KCNT2: variants seen among roughly 807,000 people sequenced by gnomAD.
KCNT2 encodes the protein potassium channel subfamily T member 2.
A neutral mutation model predicts 153.8 loss-of-function variants in KCNT2; 67 were observed. That is an observed-to-expected ratio of 0.44 (90% CI 0.36 to 0.53). KCNT2 has a LOEUF of 0.53. Ranked by LOEUF, KCNT2 falls within the 20% of genes least tolerant of loss-of-function variation. KCNT2 has a pLI of 0.00. For synonymous variants in KCNT2, 500 were observed against 458.8 expected, an observed-to-expected ratio of 1.09 and a Z score of -1.15; for missense variants, 975 against 1,354.8, an observed-to-expected ratio of 0.72 and a Z score of 4.40.
At chr1:196,534,916 A>G (rs1382536690) in intron 1 of KCNT2, among the ~76,000 whole-genome samples, 4 of 152,224 alleles carry the variant, frequency 2.6e-5, no homozygotes, top group Non-Finnish European at 4.4e-5. Context: ...TTTTCCTAGT[A>G]GAGACTAGCC....
At chr1:196,380,824 A>G in intron 13 of KCNT2, among the ~76,000 whole-genome samples, 1 of 152,206 alleles carries the variant, frequency 6.6e-6, no homozygotes, top group East Asian at 1.9e-4. Flanking sequence ...ATATGAGAAT[A>G]GATAATGTCT....
intron 17 of KCNT2, 151 bp from the exon 18 acceptor site, chr1:196,331,412 A>G (rs143338333): frequency 2.6e-4 from 156 of 592,266 alleles, no homozygotes; most frequent in African/African-American, 2.6e-3. Context: ...GAAGAGAGGT[A>G]GGCAAACTGT....
chr1:196,362,481 G>A (rs1402701938), intron 14 of KCNT2, among the ~76,000 whole-genome samples: 1 of 152,064 alleles, frequency 6.6e-6, no homozygotes, highest in Non-Finnish European at 1.5e-5. Context: ...AAACATTGAA[G>A]GCTTCTGTCT....
In KCNT2 at chr1:196,377,745, C is replaced by T. The variant is rs533832562; in HGVS notation, c.1295-4497G>A. On this transcript the variant is annotated intron_variant, in intron 13 of 27. Transcript: ENST00000294725. ...TAAAAAGTATAAAAATGAACACTTG[C>T]AGAATTGAAAAAGTGAACTGTATCC... 2.0e-5 allele frequency among the ~76,000 whole-genome samples: 3 copies of T among 152,114 alleles called. No individual in the cohort carries two copies. In the South Asian group the frequency reaches 6.2e-4, roughly 32 times the overall value.
intron 22 of KCNT2, among the ~76,000 whole-genome samples, chr1:196,290,612 C>T (rs935732504): frequency 1.3e-5 from 2 of 151,442 alleles, no homozygotes; most frequent in Non-Finnish European, 2.9e-5. Flanking sequence ...CATCCTGTTC[C>T]TGAGCTTCAT....
chr1:196,302,389 A>C (rs973217469), intron 22 of KCNT2, among the ~76,000 whole-genome samples: 1 of 152,286 alleles, frequency 6.6e-6, no homozygotes, highest in East Asian at 1.9e-4. Context: ...TAGGGCTGCC[A>C]TAACAAAGTA....
intron 5 of KCNT2, among the ~76,000 whole-genome samples, chr1:196,471,459 A>T (rs188605468): frequency 2.1e-4 from 32 of 152,186 alleles, no homozygotes; most frequent in Admixed American, 1.7e-3. Flanking sequence ...TTCTTTCATC[A>T]GTTTTTACAC....
intron 22 of KCNT2, among the ~76,000 whole-genome samples, chr1:196,294,626 G>A (rs955827006): frequency 1.3e-5 from 2 of 152,000 alleles, no homozygotes; most frequent in South Asian, 4.2e-4. Context: ...ACTAAAAATA[G>A]GCATGCAATA....
At chr1:196,524,955 T>C (rs900770641) in intron 1 of KCNT2, among the ~76,000 whole-genome samples, 1 of 152,194 alleles carries the variant, frequency 6.6e-6, no homozygotes, top group Non-Finnish European at 1.5e-5. Context: ...TTCTCATCTA[T>C]TTTATATTGC....
At chr1:196,367,143 ATTTC>A (rs1369415868) in intron 14 of KCNT2, among the ~76,000 whole-genome samples, 1 of 152,076 alleles carries the variant, frequency 6.6e-6, no homozygotes, top group Non-Finnish European at 1.5e-5. Context: ...ACTGAGATAA[ATTTC>A]TTTATCATAC....
intron 8 of KCNT2, among the ~76,000 whole-genome samples, chr1:196,433,396 T>C (rs545388838): frequency 6.6e-6 from 1 of 152,116 alleles, no homozygotes; most frequent in Non-Finnish European, 1.5e-5. Flanking sequence ...ACATGTTGTA[T>C]GATTCTGTTT....
intron 1 of KCNT2, among the ~76,000 whole-genome samples, chr1:196,501,704 C>A (rs1490188674): frequency 1.3e-5 from 2 of 152,126 alleles, no homozygotes; most frequent in East Asian, 3.9e-4. Context: ...ACACAATATA[C>A]CCATTCAAGA....
intron 21 of KCNT2, among the ~76,000 whole-genome samples, chr1:196,311,739 AT>A (rs772143142): frequency 2.0e-4 from 29 of 148,160 alleles, no homozygotes; most frequent in African/African-American, 5.7e-4. Flanking sequence ...TGAATCTGCC[AT>A]TTTTTTTTTA....
chr1:196,535,798 C>A (rs1056074983), intron 1 of KCNT2, among the ~76,000 whole-genome samples: 1 of 152,218 alleles, frequency 6.6e-6, no homozygotes, highest in Non-Finnish European at 1.5e-5. Context: ...GTAATTACAT[C>A]TTTTACAGAC....
intron 1 of KCNT2, among the ~76,000 whole-genome samples, chr1:196,511,445 G>A (rs1421002931): frequency 5.9e-5 from 9 of 152,108 alleles, no homozygotes; most frequent in Non-Finnish European, 1.2e-4. Context: ...CTTTCTTACA[G>A]CAGAAATAGA....
Position 196,371,220 on chromosome 1 carries a change from CAAAAAAAAAAAA to C in KCNT2, c.1403+1908_1403+1919del, listed in dbSNP as rs952744388. On this transcript the variant is annotated intron_variant, in intron 14 of 27. Transcript: ENST00000294725. ...GCAACATGGCAAAATCCCGTCACTA[CAAAAAAAAAAAA>C]AAAAAAAAAAAAAAAAAGCCTGGCA... Among the ~76,000 whole-genome samples, 117 of 21,942 alleles carry C rather than the reference CAAAAAAAAAAAA, an allele frequency of 5.3e-3. 2 individuals are homozygous for C. Among genetic ancestry groups the C allele is most frequent in the Admixed American group, 0.015 (24 of 1,554 alleles). 14.4% of individuals were successfully genotyped at this position (21,942 alleles called of 152,430 possible).
At chr1:196,387,177 A>C (rs1670068593) in intron 13 of KCNT2, among the ~76,000 whole-genome samples, 1 of 151,966 alleles carries the variant, frequency 6.6e-6, no homozygotes, top group African/African-American at 2.4e-5. Context: ...TCTACCTACT[A>C]CTATATATTC....
Position 196,326,794 on chromosome 1 carries a change from A to G in KCNT2, c.2199T>C (p.Tyr733=), listed in dbSNP as rs1289099564. 1 of 1,583,614 alleles carries G rather than the reference A, an allele frequency of 6.3e-7. No homozygotes were observed. Among genetic ancestry groups the G allele is most frequent in the African/African-American group, 1.4e-5 (1 of 73,018 alleles). Residue 733 remains tyrosine, a synonymous_variant, in exon 19 of 28, where the codon TAT becomes TAC. Transcript: ENST00000294725. The part of the protein sequence containing the change: ...VAAETAGNGL[Y]NFIVPLRAYY... ...ATGCCCTGAGAGGAACAATAAAGTT[A>G]TATAATCCATTTCCAGCTGTTTCAG...
rs899936031 is a variant in KCNT2 at position 196,227,494 on chromosome 1, T to A, written c.*730A>T. The A allele has an allele frequency of 6.6e-6, 1 of 152,076 alleles. No individual in the cohort carries two copies. The highest frequency in any genetic ancestry group is 2.4e-5 in the African/African-American group (1 of 41,452). The allele number at this position is 152,076 out of a possible 1,614,324, so 9.4% of individuals were successfully genotyped here. On this transcript the variant is annotated 3_prime_UTR_variant, in exon 28 of 28. Coordinates refer to ENST00000294725, the MANE Select transcript of KCNT2 (RefSeq NM_198503.5). ...ATTCGTTTAGGAGAATAATAGATAT[T>A]TGCTTTATAGTATGCTTTTCTTGGC...
Sources: allele counts gnomAD v4.1 joint callset (sites outside exome capture counted in the v4.1 genomes callset), GRCh38; gene constraint gnomAD v4.1.1; transcripts MANE v1.5; gene names NCBI Gene and HGNC (gene_info 2026-07-23, HGNC 2026-07-21).